Variants in NCOA2 observed in about 807,000 individuals in gnomAD.
NCOA2 encodes nuclear receptor coactivator 2.
In NCOA2, 21 loss-of-function variants were observed where a neutral mutation model predicts 145.1. That is an observed-to-expected ratio of 0.14 (90% CI 0.10 to 0.21). The LOEUF (loss-of-function observed/expected upper bound fraction) is 0.21. NCOA2 is among the 10% of genes least tolerant of loss of function. The pLI is 1.00. For missense variants in NCOA2, 1,472 were observed against 1,837.6 expected (o/e 0.80, Z 3.64); for synonymous variants, 619 against 637.5 (o/e 0.97, Z 0.44).
chr8:70,362,766 T>A (rs1810322755), intron 1 of NCOA2, among the ~76,000 whole-genome samples: 1 of 152,164 alleles, frequency 6.6e-6, no homozygotes, highest in Admixed American at 6.5e-5. Flanking sequence ...AGTTTATGTT[T>A]AACAAGTTAA....
At chr8:70,232,441 C>A (rs1316884353) in intron 2 of NCOA2, among the ~76,000 whole-genome samples, 2 of 152,182 alleles carry the variant, frequency 1.3e-5, no homozygotes, top group Non-Finnish European at 2.9e-5. Context: ...TTGTTCTCAG[C>A]TTGTTCTATT....
chr8:70,264,812 C>G (rs1824435643), intron 2 of NCOA2, among the ~76,000 whole-genome samples: 1 of 151,124 alleles, frequency 6.6e-6, no homozygotes, highest in South Asian at 2.1e-4. Context: ...GACTGACTTG[C>G]AACTACATAG....
At chr8:70,197,426 C>A (rs966799523) in intron 4 of NCOA2, among the ~76,000 whole-genome samples, 1 of 152,192 alleles carries the variant, frequency 6.6e-6, no homozygotes. Context: ...TGGGTCCCTA[C>A]GTCAGGGAGG....
intron 2 of NCOA2, among the ~76,000 whole-genome samples, chr8:70,261,671 G>A (rs1008109428): frequency 1.5e-4 from 22 of 151,702 alleles, no homozygotes; most frequent in Middle Eastern, 3.2e-3. Context: ...TTTACAAAAC[G>A]CTTACCAAAA....
chr8:70,196,153 A>G (rs1817284143), intron 4 of NCOA2, among the ~76,000 whole-genome samples: 1 of 152,166 alleles, frequency 6.6e-6, no homozygotes. Flanking sequence ...CAAGGCAGGC[A>G]GATCACGAGG....
intron 4 of NCOA2, among the ~76,000 whole-genome samples, chr8:70,207,327 T>TC (rs1367060398): frequency 2.0e-5 from 3 of 152,140 alleles, no homozygotes; most frequent in Non-Finnish European, 4.4e-5. Context: ...ACATCATAAA[T>TC]CCTAAAGCAT....
intron 16 of NCOA2, among the ~76,000 whole-genome samples, chr8:70,129,816 A>G (rs1808882891): frequency 6.6e-6 from 1 of 152,136 alleles, no homozygotes; most frequent in Non-Finnish European, 1.5e-5. Flanking sequence ...GATCACAGGC[A>G]TGCGCCACCA....
At chr8:70,255,053 TA>T (rs1421020921) in intron 2 of NCOA2, among the ~76,000 whole-genome samples, 1 of 152,182 alleles carries the variant, frequency 6.6e-6, no homozygotes, top group Non-Finnish European at 1.5e-5. Context: ...AAATAAAATT[TA>T]AAAAATACTT....
intron 4 of NCOA2, among the ~76,000 whole-genome samples, chr8:70,175,187 C>T (rs1814690031): frequency 6.6e-6 from 1 of 152,192 alleles, no homozygotes; most frequent in African/African-American, 2.4e-5. Flanking sequence ...TTAATTTCTA[C>T]TCAGGAGATT....
At chr8:70,444,565 T>C in the NCOA2 span, among the ~76,000 whole-genome samples, 32 of 152,328 alleles carry the variant, frequency 2.1e-4, no homozygotes, top group African/African-American at 7.5e-4. Context: ...CAGTGTGAAT[T>C]TTCTGGTGGT....
intron 4 of NCOA2, among the ~76,000 whole-genome samples, chr8:70,201,880 C>G (rs1173774128): frequency 6.6e-6 from 1 of 152,154 alleles, no homozygotes; most frequent in Non-Finnish European, 1.5e-5. Flanking sequence ...TTCTCTCATT[C>G]TCCTATTGAC....
intron 2 of NCOA2, among the ~76,000 whole-genome samples, chr8:70,239,761 G>A (rs1821961373): frequency 1.3e-5 from 2 of 152,168 alleles, no homozygotes; most frequent in Non-Finnish European, 2.9e-5. Flanking sequence ...ATTGTTCAGT[G>A]AGAAGAGAAA....
At chr8:70,447,513 C>T in the NCOA2 span, among the ~76,000 whole-genome samples, 19 of 152,242 alleles carry the variant, frequency 1.2e-4, no homozygotes, top group Non-Finnish European at 2.8e-4. Flanking sequence ...GTGACTGACT[C>T]ACTTAGAGTG....
At chr8:70,384,008 C>G (rs902172123) in intron 1 of NCOA2, among the ~76,000 whole-genome samples, 1 of 152,122 alleles carries the variant, frequency 6.6e-6, no homozygotes, top group African/African-American at 2.4e-5. Flanking sequence ...CTGAGAACAT[C>G]AGTGTACTCC....
upstream of NCOA2, among the ~76,000 whole-genome samples, chr8:70,406,592 G>A (rs1487387751): frequency 6.6e-6 from 1 of 152,176 alleles, no homozygotes; most frequent in East Asian, 1.9e-4. Flanking sequence ...AACATACCGT[G>A]AATGGATGAG....
intron 1 of NCOA2, among the ~76,000 whole-genome samples, chr8:70,364,926 T>C (rs1232894072): frequency 1.3e-5 from 2 of 151,998 alleles, no homozygotes; most frequent in African/African-American, 4.8e-5. Flanking sequence ...TGGTTCCAAG[T>C]GTTTCTGCAA....
chr8:70,390,216 A>G (rs1467433022), intron 1 of NCOA2, among the ~76,000 whole-genome samples: 3 of 152,184 alleles, frequency 2.0e-5, no homozygotes, highest in Non-Finnish European at 4.4e-5. Flanking sequence ...GATGTTGTCT[A>G]GGTCTCTATG....
chr8:70,333,600 T>C (rs983443656), intron 1 of NCOA2, among the ~76,000 whole-genome samples: 1 of 152,188 alleles, frequency 6.6e-6, no homozygotes, highest in Non-Finnish European at 1.5e-5. Flanking sequence ...GAATTTGCCA[T>C]TTATCAAGGC....
Position 70,141,034 on chromosome 8 carries a change from T to C in NCOA2, c.3028+150A>G. On this transcript the variant is annotated intron_variant, in intron 14 of 22. Coordinates refer to ENST00000452400, the MANE Select transcript of NCOA2 (RefSeq NM_006540.4). ...AAGAACTTTTGAGATTCTAATTCCA[T>C]ACAGAGTTCCAGCAAAATCCCACTT... is the stretch of plus-strand genomic sequence containing the variant. 5.5e-6 allele frequency: 4 copies of C among 731,090 alleles called. No homozygotes were observed. In the South Asian group the frequency reaches 7.4e-5, roughly 14 times the overall value. 45.3% of individuals were successfully genotyped at this position (731,090 alleles called of 1,614,324 possible). A position where few individuals can be genotyped will look rare whatever the true frequency, so the allele number is the denominator to read the frequency against.
Sources: gnomAD v4.1 joint callset for allele counts (sites outside exome capture counted in the v4.1 genomes callset) on GRCh38, gnomAD v4.1.1 for gene constraint, MANE v1.5 for transcripts, NCBI Gene and HGNC (gene_info 2026-07-23, HGNC 2026-07-21) for gene names.